The following RBFOX1 variants were observed in gnomAD, a reference collection of about 807,000 sequenced individuals.
RBFOX1 encodes RNA binding protein fox-1 homolog 1.
Under a neutral mutation model 57.7 loss-of-function variants are expected in RBFOX1, and 8 were observed. The observed-to-expected ratio is 0.14, with a 90% CI of 0.08 to 0.25. The LOEUF is 0.25. Among genes scored for constraint, RBFOX1 ranks in the 10% least tolerant of loss-of-function variants. The pLI is 1.00. For synonymous variants in RBFOX1, 326 were observed against 222.4 expected (o/e 1.47, Z -4.15); for missense variants, 611 against 548.5 (o/e 1.11, Z -1.14).
intron 2 of RBFOX1, among the ~76,000 whole-genome samples, chr16:6,537,653 C>T (rs1237699296): frequency 6.6e-6 from 1 of 152,140 alleles, no homozygotes; most frequent in African/African-American, 2.4e-5. Context: ...AGTGTAATGT[C>T]TGGAGTTTTT....
chr16:7,426,233 A>G lies in RBFOX1; in HGVS notation c.28-91914A>G, dbSNP rs565452652. On this transcript the variant is annotated intron_variant, in intron 4 of 15. Transcript: ENST00000550418. ...ATTACAGAGTCATGATTGCTCTACA[A>G]ATTGAGTCTTTTTTCTGCTTGACAG... is the stretch of plus-strand genomic sequence containing the variant. Among the ~76,000 whole-genome samples the G allele has an allele frequency of 1.6e-4, 24 of 152,234 alleles. No individual in the cohort carries two copies. In the South Asian group the frequency reaches 4.8e-3, roughly 30 times the overall value.
rs1290814744 is a variant in RBFOX1, at chr16:7,054,224, G to C, written c.27+2126G>C. ...GTGATTTTTTTTTTCGGGGGGGGGG[G>C]GCGGGGAGCTTTTTTTTTTTTTTTT... On this transcript the variant is annotated intron_variant, in intron 4 of 15. Transcript: ENST00000550418. Among the ~76,000 whole-genome samples the C allele has an allele frequency of 6.6e-5, 6 of 91,384 alleles. 1 individual carries two copies. The highest frequency in any genetic ancestry group is 8.3e-4 in the East Asian group (2 of 2,396). 60.0% of individuals were successfully genotyped at this position (91,384 alleles called of 152,430 possible). A position where few individuals can be genotyped will look rare whatever the true frequency, so the allele number is the denominator to read the frequency against.
rs1017244120 is a variant in RBFOX1, at chr16:7,169,341, C to T, written c.27+117243C>T. 2.0e-4 allele frequency among the ~76,000 whole-genome samples: 30 copies of T among 152,184 alleles called. 1 individual carries two copies. Among genetic ancestry groups the T allele is most frequent in the Admixed American group, 1.4e-3 (21 of 15,280 alleles). ...TGCATATATCAGGGTTTCTGAATCTCAGCACTATGGGTATATTGGGTCAGA... is the reference window on the plus strand; with the variant it reads ...TGCATATATCAGGGTTTCTGAATCTTAGCACTATGGGTATATTGGGTCAGA... On this transcript the variant is annotated intron_variant, in intron 4 of 15. Coordinates refer to ENST00000550418, the MANE Select transcript of RBFOX1 (RefSeq NM_018723.4).
intron 2 of RBFOX1, among the ~76,000 whole-genome samples, chr16:5,554,308 G>T (rs1227558796): frequency 6.6e-6 from 1 of 151,904 alleles, no homozygotes; most frequent in Non-Finnish European, 1.5e-5. Context: ...TGACCTAAAA[G>T]CATAAAACCT....
intron 4 of RBFOX1, among the ~76,000 whole-genome samples, chr16:7,360,774 A>C (rs961856165): frequency 6.6e-6 from 1 of 152,126 alleles, no homozygotes; most frequent in African/African-American, 2.4e-5. Flanking sequence ...GTGTTGGCCA[A>C]GTCTTCTTTT....
At chr16:6,108,938 T>G (rs928236316) in intron 1 of RBFOX1, among the ~76,000 whole-genome samples, 5 of 152,194 alleles carry the variant, frequency 3.3e-5, no homozygotes, top group Non-Finnish European at 7.3e-5. Context: ...CATCTGAAGA[T>G]CATTAATTGA....
At chr16:6,994,460 C>A (rs936980887) in intron 3 of RBFOX1, among the ~76,000 whole-genome samples, 2 of 152,130 alleles carry the variant, frequency 1.3e-5, no homozygotes, top group African/African-American at 4.8e-5. Flanking sequence ...CTTTTTAATG[C>A]CATGCTAAGA....
chr16:7,679,457 G>T (rs541967422), intron 14 of RBFOX1, among the ~76,000 whole-genome samples: 6 of 152,276 alleles, frequency 3.9e-5, no homozygotes, highest in African/African-American at 1.4e-4. Context: ...AGTAAAATCA[G>T]CAGGCATTGA....
rs559713798 is a variant in RBFOX1, at chr16:5,715,264, A to G, written c.318+116303A>G. 9.5e-4 allele frequency among the ~76,000 whole-genome samples: 145 copies of G among 152,310 alleles called. 2 individuals carry two copies. The highest frequency in any genetic ancestry group is 3.2e-3 in the African/African-American group (135 of 41,562). Reference sequence around the variant, plus strand: ...ATTTCGAAATCTAATTCAATTACAGAGAAGCTCTACCTTGTGGATGATTAA... The same window carrying G: ...ATTTCGAAATCTAATTCAATTACAGGGAAGCTCTACCTTGTGGATGATTAA... On this transcript the variant is annotated intron_variant, in intron 3 of 19. Transcript: ENST00000641259.
intron 1 of RBFOX1, among the ~76,000 whole-genome samples, chr16:6,259,599 A>G (rs1478781163): frequency 6.6e-6 from 1 of 152,060 alleles, no homozygotes; most frequent in Non-Finnish European, 1.5e-5. Context: ...CCCAGTAGCG[A>G]CGAAAGTGCA....
intron 4 of RBFOX1, among the ~76,000 whole-genome samples, chr16:7,217,120 T>C (rs2092235145): frequency 6.8e-6 from 1 of 147,608 alleles, no homozygotes; most frequent in Non-Finnish European, 1.5e-5. Flanking sequence ...TCCTTTCCTT[T>C]CTTTTTGACA....
chr16:5,265,528 A>G (rs1185268037), intron 1 of RBFOX1, among the ~76,000 whole-genome samples: 1 of 152,232 alleles, frequency 6.6e-6, no homozygotes, highest in African/African-American at 2.4e-5. Context: ...GTAAGAACAT[A>G]ATTAGATTAT....
In RBFOX1 at chr16:5,378,247, C is replaced by G. The variant is rs990092784; in HGVS notation, c.220-88969C>G. 1.3e-5 allele frequency among the ~76,000 whole-genome samples: 2 copies of G among 151,642 alleles called. 1 individual carries two copies. The highest frequency in any genetic ancestry group is 4.9e-5 in the African/African-American group (2 of 40,908). Reference sequence around the variant, plus strand: ...TGGATTATCTGAGATTGAGGGATCTCCTGGGATGTGGGACTGGTGGGTCAC... The same window carrying G: ...TGGATTATCTGAGATTGAGGGATCTGCTGGGATGTGGGACTGGTGGGTCAC... On this transcript the variant is annotated intron_variant, in intron 1 of 2. Transcript: ENST00000585867.
At chr16:6,500,578 C>G (rs1056437995) in intron 2 of RBFOX1, among the ~76,000 whole-genome samples, 3 of 152,044 alleles carry the variant, frequency 2.0e-5, no homozygotes, top group Admixed American at 6.5e-5. Flanking sequence ...TCCCTTCCCT[C>G]AAGAAAATTA....
intron 3 of RBFOX1, chr16:5,610,444 C>T (rs1179540440): frequency 6.6e-6 from 1 of 152,204 alleles, no homozygotes; most frequent in Non-Finnish European, 1.5e-5. Flanking sequence ...GGAAAGGGAA[C>T]AGGGACATGG....
intron 2 of RBFOX1, among the ~76,000 whole-genome samples, chr16:6,608,120 A>G (rs1460031381): frequency 6.6e-6 from 1 of 152,202 alleles, no homozygotes; most frequent in Non-Finnish European, 1.5e-5. Context: ...CGGGTTCTCA[A>G]GAAATACTAT....
At chr16:7,549,989 G>T (rs990215463) in intron 5 of RBFOX1, among the ~76,000 whole-genome samples, 3 of 152,034 alleles carry the variant, frequency 2.0e-5, no homozygotes, top group Non-Finnish European at 4.4e-5. Flanking sequence ...GAGTGCAGTG[G>T]TGTGATCATA....
intron 3 of RBFOX1, among the ~76,000 whole-genome samples, chr16:6,718,177 T>A (rs1381554707): frequency 2.6e-5 from 4 of 152,330 alleles, no homozygotes; most frequent in Non-Finnish European, 5.9e-5. Context: ...GCTTCCATTG[T>A]CTCATCAGTA....
At chr16:6,000,266 G>A (rs1296071325) in intron 4 of RBFOX1, among the ~76,000 whole-genome samples, 11 of 152,174 alleles carry the variant, frequency 7.2e-5, no homozygotes, top group Non-Finnish European at 1.2e-4. Context: ...GGGACAAACC[G>A]TAGACTTCCT....
Sources: allele counts gnomAD v4.1 joint callset (sites outside exome capture counted in the v4.1 genomes callset), GRCh38; gene constraint gnomAD v4.1.1; transcripts MANE v1.5; gene names NCBI Gene and HGNC (gene_info 2026-07-23, HGNC 2026-07-21).